The following KAZN variants were observed in gnomAD, a reference collection of about 807,000 sequenced individuals.
The protein encoded by KAZN is kazrin, periplakin interacting protein.
Under a neutral mutation model 87.4 loss-of-function variants are expected in KAZN, and 40 were observed. That is an observed-to-expected ratio of 0.46 (90% CI 0.36 to 0.60). The LOEUF (loss-of-function observed/expected upper bound fraction) is 0.60. Ranked by LOEUF, KAZN falls within the 20% of genes least tolerant of loss-of-function variation. KAZN has a pLI of 0.00. For synonymous variants in KAZN, 466 were observed against 458.3 expected (o/e 1.02, Z -0.22); for missense variants, 898 against 1,073.9 (o/e 0.84, Z 2.29).
At chr1:14,990,435 G>T (rs1416175308) in intron 2 of KAZN, among the ~76,000 whole-genome samples, 4 of 152,108 alleles carry the variant, frequency 2.6e-5, no homozygotes, top group African/African-American at 9.7e-5. Flanking sequence ...TGTTGCCCAG[G>T]CTAGTCTTTA....
intron 8 of KAZN, among the ~76,000 whole-genome samples, chr1:15,091,049 C>T (rs1640509772): frequency 1.3e-5 from 2 of 152,078 alleles, no homozygotes; most frequent in Admixed American, 6.5e-5. Context: ...ACATATCAAA[C>T]ATACTATAGT....
intron 2 of KAZN, among the ~76,000 whole-genome samples, chr1:14,588,699 T>C (rs1179985164): frequency 6.6e-6 from 1 of 152,226 alleles, no homozygotes; most frequent in African/African-American, 2.4e-5. Flanking sequence ...TGCCTCCTAA[T>C]GAATGACAGG....
At chr1:14,939,472 A>G (rs1660814150) in intron 1 of KAZN, among the ~76,000 whole-genome samples, 1 of 151,452 alleles carries the variant, frequency 6.6e-6, no homozygotes, top group Non-Finnish European at 1.5e-5. Flanking sequence ...ACAGGGTCTC[A>G]CTTGTTGCCC....
chr1:14,711,210 A>G (rs1184344225), intron 1 of KAZN, among the ~76,000 whole-genome samples: 1 of 151,898 alleles, frequency 6.6e-6, no homozygotes, highest in Non-Finnish European at 1.5e-5. Flanking sequence ...GAAAAGAAGT[A>G]TTATTGAAGG....
intron 2 of KAZN, among the ~76,000 whole-genome samples, chr1:14,988,258 T>G (rs1667017352): frequency 1.3e-5 from 2 of 152,202 alleles, no homozygotes; most frequent in East Asian, 3.9e-4. Flanking sequence ...GTCTGCACCA[T>G]CAGCCCCATC....
chr1:14,702,023 G>A (rs544635438), intron 1 of KAZN, among the ~76,000 whole-genome samples: 11 of 152,236 alleles, frequency 7.2e-5, no homozygotes, highest in East Asian at 3.9e-4. Flanking sequence ...ACTTGTTGAC[G>A]TGCTAAAGCA....
chr1:15,026,114 C>A (rs189585591), intron 2 of KAZN, among the ~76,000 whole-genome samples: 1 of 152,238 alleles, frequency 6.6e-6, no homozygotes, highest in East Asian at 1.9e-4. Context: ...TTTCCTTCTC[C>A]CTGACCTGGG....
At chr1:14,966,145 A>G (rs1307687340) in intron 2 of KAZN, among the ~76,000 whole-genome samples, 1 of 151,938 alleles carries the variant, frequency 6.6e-6, no homozygotes, top group South Asian at 2.1e-4. Context: ...ATGCCCAGCT[A>G]ATTTTTGTAT....
chr1:14,135,003 ATGTG>A (rs112991337), intron 1 of KAZN, among the ~76,000 whole-genome samples: 22,418 of 62,616 alleles, frequency 0.36, 1,878 homozygotes, highest in African/African-American at 0.48. Context: ...ACACACACAC[ATGTG>A]CACACATGCA....
intron 2 of KAZN, among the ~76,000 whole-genome samples, chr1:14,292,726 A>G (rs1653810769): frequency 6.6e-6 from 1 of 152,142 alleles, no homozygotes; most frequent in South Asian, 2.1e-4. Flanking sequence ...GTGTTGGTGC[A>G]TGGAAGAGGG....
In KAZN at chr1:15,101,742, G is replaced by C. The variant is rs367972333; in HGVS notation, c.1747G>C (p.Glu583Gln). The change falls in exon 11 of 15, where the codon GAG (glutamate) becomes CAG (glutamine). Residue 583 changes from glutamate to glutamine, a missense_variant. Physicochemically the swap from Glu to Gln is conservative, Grantham distance 29. Transcript: ENST00000376030. The part of the protein sequence containing the change: ...FHQVSILLGI[E>Q]LLYQVNFSRE... The stretch of plus-strand genomic sequence containing the variant: ...CCAGGTCAGCATCCTGCTGGGGATC[G>C]AGCTGCTGTACCAAGTGAACTTCAG... The C allele has an allele frequency of 3.1e-6, 5 of 1,587,418 alleles. No homozygotes were observed. Among genetic ancestry groups the C allele is most frequent in the Non-Finnish European group, 4.3e-6 (5 of 1,166,558 alleles).
At chr1:14,586,524 G>C (rs1325825003) in intron 2 of KAZN, among the ~76,000 whole-genome samples, 2 of 131,722 alleles carry the variant, frequency 1.5e-5, no homozygotes, top group Non-Finnish European at 3.2e-5. Context: ...TTTTCTTTCT[G>C]GTTTTTTTTT....
In KAZN at chr1:14,617,482, C is replaced by G. The variant is rs1271704648; in HGVS notation, c.226+18259C>G. 2.6e-5 allele frequency among the ~76,000 whole-genome samples: 4 copies of G among 152,152 alleles called. No individual in the cohort carries two copies. The East Asian group carries it at 5.8e-4, about 22-fold the overall frequency. On this transcript the variant is annotated intron_variant, in intron 1 of 14. Coordinates refer to ENST00000376030, the MANE Select transcript of KAZN (RefSeq NM_201628.3). ...GCTGCATGAGAGGGGTTACCACAAA[C>G]CTTTGATTTGTAAAAAACAAAAACA...
intron 8 of KAZN, among the ~76,000 whole-genome samples, chr1:15,091,982 T>A (rs1386095238): frequency 1.8e-5 from 1 of 55,022 alleles, no homozygotes; most frequent in Non-Finnish European, 3.0e-5. Flanking sequence ...GGATAAGCAT[T>A]TTTTTTTTAC....
chr1:14,662,944 AAT>A lies in KAZN; in HGVS notation c.226+63734_226+63735del, dbSNP rs3085966. Among the ~76,000 whole-genome samples, 86 of 142,832 alleles carry A rather than the reference AAT, an allele frequency of 6.0e-4. 2 individuals carry two copies. Among genetic ancestry groups the A allele is most frequent in the East Asian group, 1.6e-3 (8 of 4,888 alleles). The allele number at this position is 142,832 out of a possible 152,430, so 93.7% of individuals were successfully genotyped here. ...TATATATGTATATATTATATATGTAAATATATATATATATGCACACATATATA... is the reference window on the plus strand; with the variant it reads ...TATATATGTATATATTATATATGTAAATATATATATATGCACACATATATA... On this transcript the variant is annotated intron_variant, in intron 1 of 14. Coordinates refer to ENST00000376030, the MANE Select transcript of KAZN (RefSeq NM_201628.3).
Position 14,866,244 on chromosome 1 carries a change from G to T in KAZN, c.227-94440G>T, listed in dbSNP as rs2807568. Among the ~76,000 whole-genome samples, 5 of 151,838 alleles carry T rather than the reference G, an allele frequency of 3.3e-5. 1 individual carries two copies. The highest frequency in any genetic ancestry group is 7.4e-5 in the Non-Finnish European group (5 of 67,996). On this transcript the variant is annotated intron_variant, in intron 1 of 14. Coordinates refer to ENST00000376030, the MANE Select transcript of KAZN (RefSeq NM_201628.3). ...ACCTGTCCAACCCCTACTTTAGAGC[G>T]CTTTGCACATAGATGACTATGCAAT... is the stretch of plus-strand genomic sequence containing the variant.
chr1:14,528,345 AAAAAAAAAAAAAAAAAG>A (rs1384118866), intron 2 of KAZN, among the ~76,000 whole-genome samples: 6 of 144,740 alleles, frequency 4.1e-5, no homozygotes, highest in Non-Finnish European at 7.8e-5. Context: ...CTCAAAAAAA[AAAAAAAAAAAAAAAAAG>A]AAAGAAAAAA....
chr1:14,329,573 G>C (rs1370261850), intron 2 of KAZN, among the ~76,000 whole-genome samples: 1 of 152,190 alleles, frequency 6.6e-6, no homozygotes, highest in Admixed American at 6.5e-5. Context: ...CAGCAGAACT[G>C]GGATCAGTGG....
intron 13 of KAZN, among the ~76,000 whole-genome samples, chr1:15,108,306 A>G (rs1641365725): frequency 6.6e-6 from 1 of 152,226 alleles, no homozygotes; most frequent in Non-Finnish European, 1.5e-5. Context: ...CATCCCTGAA[A>G]TGTGAGCCCA....
Sources: gnomAD v4.1 joint callset for allele counts (sites outside exome capture counted in the v4.1 genomes callset) on GRCh38, gnomAD v4.1.1 for gene constraint, MANE v1.5 for transcripts, NCBI Gene and HGNC (gene_info 2026-07-23, HGNC 2026-07-21) for gene names.